CACNA1B: variants seen among roughly 807,000 people sequenced by gnomAD.
CACNA1B encodes voltage-dependent N-type calcium channel subunit alpha-1B.
Under a neutral mutation model 247.2 loss-of-function variants are expected in CACNA1B, and 70 were observed. The ratio of observed to expected loss-of-function variants is 0.28; its 90% confidence interval spans 0.23 to 0.35. The LOEUF (loss-of-function observed/expected upper bound fraction) is 0.35. Among genes scored for constraint, CACNA1B ranks in the 10% least tolerant of loss-of-function variants. The pLI, the probability that CACNA1B is intolerant of heterozygous loss-of-function variation, is 1.00. For missense variants in CACNA1B, 2,367 were observed against 3,197.4 expected, an observed-to-expected ratio of 0.74 and a Z score of 6.26; for synonymous variants, 1,231 against 1,294.4, an observed-to-expected ratio of 0.95 and a Z score of 1.05.
intron 20 of CACNA1B, among the ~76,000 whole-genome samples, chr9:138,026,197 G>A (rs1157889419): frequency 1.3e-5 from 2 of 152,156 alleles, no homozygotes; most frequent in Non-Finnish European, 2.9e-5. Context: ...CACAATTCCA[G>A]GTATAACCAT....
intron 3 of CACNA1B, among the ~76,000 whole-genome samples, chr9:137,903,729 T>A (rs894715974): frequency 2.0e-5 from 3 of 152,234 alleles, no homozygotes; most frequent in Non-Finnish European, 4.4e-5. Flanking sequence ...GTAGTATGTA[T>A]GAAAATTTAT....
chr9:138,034,814 A>G (rs7856047), intron 20 of CACNA1B, among the ~76,000 whole-genome samples: 1,563 of 152,030 alleles, frequency 0.01, 31 homozygotes, highest in African/African-American at 0.035. Context: ...CCATGGTTTT[A>G]CTTTCCCCAC....
chr9:138,025,093 T>C lies in CACNA1B; in HGVS notation c.3207T>C (p.Ser1069=), dbSNP rs761761974. ...DNQRNVTRMG[S]QPPDPNTIVH... is the part of the protein sequence containing the mutation. ...AGCGGAACGTCACTCGCATGGGCAG[T>C]CAGCCCCCAGACCCGAACACTATTG... The change falls in exon 20 of 47, where the codon AGT becomes AGC. Residue 1069 remains serine (S), a synonymous_variant. Coordinates refer to ENST00000371372, the MANE Select transcript of CACNA1B (RefSeq NM_000718.4). 6.2e-7 allele frequency: 1 copy of C among 1,613,500 alleles called. No individual in the cohort carries two copies. The highest frequency in any genetic ancestry group is 8.5e-7 in the Non-Finnish European group (1 of 1,179,660).
intron 10 of CACNA1B, among the ~76,000 whole-genome samples, chr9:137,962,006 A>G (rs1958026484): frequency 6.6e-6 from 1 of 151,930 alleles, no homozygotes; most frequent in African/African-American, 2.4e-5. Flanking sequence ...GTCCATCTGG[A>G]CCTGGGCTTT....
At chr9:137,927,394 T>A (rs1379277781) in intron 6 of CACNA1B, among the ~76,000 whole-genome samples, 1 of 152,150 alleles carries the variant, frequency 6.6e-6, no homozygotes, top group African/African-American at 2.4e-5. Flanking sequence ...GTCTAATTTT[T>A]GTATTTTTAG....
rs1315200702 is a variant in CACNA1B at position 137,878,141 on chromosome 9, A to G, written c.208A>G (p.Thr70Ala). The G allele has an allele frequency of 1.5e-6, 2 of 1,308,864 alleles. No homozygotes were observed. The highest frequency in any genetic ancestry group is 1.5e-5 in the African/African-American group (1 of 65,090). 81.1% of individuals were successfully genotyped at this position (1,308,864 alleles called of 1,614,324 possible). ...NPIPVKQNCF[T>A]VNRSLFVFSE... ...CATCCCGGTCAAGCAGAACTGCTTCACCGTCAACCGCTCGCTCTTCGTCTT... is the reference window on the plus strand; with the variant it reads ...CATCCCGGTCAAGCAGAACTGCTTCGCCGTCAACCGCTCGCTCTTCGTCTT... Residue 70 changes from threonine to alanine, a missense_variant, in exon 1 of 47, where the codon ACC becomes GCC. Physicochemically the swap from Thr to Ala is moderately conservative, Grantham distance 58. Coordinates refer to ENST00000371372, the MANE Select transcript of CACNA1B (RefSeq NM_000718.4).
intron 36 of CACNA1B, among the ~76,000 whole-genome samples, chr9:138,089,024 A>T (rs1345899366): frequency 1.3e-5 from 2 of 149,494 alleles, no homozygotes; most frequent in African/African-American, 4.9e-5. Flanking sequence ...AGGGTGCTTC[A>T]CTAGAGAATT....
intron 15 of CACNA1B, among the ~76,000 whole-genome samples, chr9:137,998,466 C>T (rs186568629): frequency 5.3e-5 from 8 of 152,084 alleles, no homozygotes; most frequent in African/African-American, 1.4e-4. Flanking sequence ...GTAAAATTAG[C>T]TGGGTGTGCT....
At position 138,120,281 on chromosome 9, in the gene CACNA1B, G is replaced by GCACCAC; in HGVS notation, c.6158_6163dup (p.His2053_His2054dup). 6.3e-7 allele frequency: 1 copy of GCACCAC among 1,580,526 alleles called. No individual in the cohort carries two copies. Among genetic ancestry groups the GCACCAC allele is most frequent in the Non-Finnish European group, 8.6e-7 (1 of 1,165,402 alleles). On this transcript the variant is annotated inframe_insertion, in exon 45 of 47. Coordinates refer to ENST00000371372, the MANE Select transcript of CACNA1B (RefSeq NM_000718.4). ...GCCCACCCCCTAGCCAGGCGTCGTC[G>GCACCAC]CACCACCACCACCACCGCTGCCACC... is the stretch of plus-strand genomic sequence containing the variant.
At chr9:138,019,648 G>C (rs1043863672) in intron 18 of CACNA1B, among the ~76,000 whole-genome samples, 5 of 152,192 alleles carry the variant, frequency 3.3e-5, no homozygotes, top group African/African-American at 9.6e-5. Context: ...TGCCGCCCCC[G>C]CCCTGCCCAG....
chr9:137,878,533 A>C (rs1371009229), intron 1 of CACNA1B, among the ~76,000 whole-genome samples: 2 of 152,016 alleles, frequency 1.3e-5, no homozygotes, highest in African/African-American at 4.8e-5. Context: ...TGCAGGTGCG[A>C]GCGCTGTGGG....
chr9:137,961,985 T>C (rs1006594875), intron 10 of CACNA1B, among the ~76,000 whole-genome samples: 1 of 152,210 alleles, frequency 6.6e-6, no homozygotes, highest in East Asian at 1.9e-4. Context: ...TCTGGGAGAA[T>C]TGAGCTGTGA....
chr9:138,013,398 G>A (rs1368065212), intron 18 of CACNA1B, among the ~76,000 whole-genome samples, 163 bp downstream of exon 18: 1 of 152,140 alleles, frequency 6.6e-6, no homozygotes, highest in Non-Finnish European at 1.5e-5. Context: ...AGAGCCTGGG[G>A]GCTCCAGGGC....
intron 37 of CACNA1B, among the ~76,000 whole-genome samples, chr9:138,097,139 A>C (rs1305518544): frequency 6.6e-6 from 1 of 151,944 alleles, no homozygotes; most frequent in Non-Finnish European, 1.5e-5. Context: ...TCCCCAGCCC[A>C]GGCTGCATAT....
chr9:137,970,751 G>C (rs1038968421), intron 10 of CACNA1B, among the ~76,000 whole-genome samples: 1 of 152,220 alleles, frequency 6.6e-6, no homozygotes, highest in Non-Finnish European at 1.5e-5. Flanking sequence ...ACTGGTGTGC[G>C]TGGACATGGG....
chr9:137,995,327 A>T (rs1259875143), intron 15 of CACNA1B, among the ~76,000 whole-genome samples: 1 of 152,238 alleles, frequency 6.6e-6, no homozygotes, highest in Non-Finnish European at 1.5e-5. Flanking sequence ...TACTGGTATA[A>T]AAATAGGTAC....
chr9:138,043,411 G>T (rs1589089319), intron 20 of CACNA1B, among the ~76,000 whole-genome samples: 1 of 152,290 alleles, frequency 6.6e-6, no homozygotes, highest in East Asian at 1.9e-4. Context: ...CTGTGCTGCG[G>T]GTTCGAGGTC....
rs1242189234 is a variant in CACNA1B, at chr9:137,919,598, C to A, written c.966+2167C>A. Among the ~76,000 whole-genome samples, 1 of 152,244 alleles carries A rather than the reference C, an allele frequency of 6.6e-6. No homozygotes were observed. The highest frequency in any genetic ancestry group is 1.5e-5 in the Non-Finnish European group (1 of 68,050). Reference sequence around the variant, plus strand: ...CCTTTGGAGAGAGCGAGAGCCCGCCCCTCACCTCCAACCCAGTGAGAGGGA... The same window carrying A: ...CCTTTGGAGAGAGCGAGAGCCCGCCACTCACCTCCAACCCAGTGAGAGGGA... On this transcript the variant is annotated intron_variant, in intron 6 of 46. Coordinates refer to ENST00000371372, the MANE Select transcript of CACNA1B (RefSeq NM_000718.4). This position sits in a 1 kb window ranked among gnomAD's most constrained non-coding sequence, Gnocchi z 4.6.
At chr9:137,996,358 G>A (rs1958500551) in intron 15 of CACNA1B, among the ~76,000 whole-genome samples, 1 of 152,208 alleles carries the variant, frequency 6.6e-6, no homozygotes, top group Non-Finnish European at 1.5e-5. Context: ...AATGGCATTT[G>A]CAACAACGTG....
Sources: allele counts gnomAD v4.1 joint callset (sites outside exome capture counted in the v4.1 genomes callset), GRCh38; gene constraint gnomAD v4.1.1; non-coding constraint Gnocchi (gnomAD v3.1); transcripts MANE v1.5; gene names NCBI Gene and HGNC (gene_info 2026-07-23, HGNC 2026-07-21).